Variants in DOCK11 observed in about 807,000 individuals in gnomAD.
DOCK11 encodes the protein dedicator of cytokinesis protein 11.
Under a neutral mutation model 169.1 loss-of-function variants are expected in DOCK11, and 70 were observed. The ratio of observed to expected loss-of-function variants is 0.41; its 90% CI spans 0.34 to 0.51. The LOEUF (loss-of-function observed/expected upper bound fraction) is 0.51. DOCK11 is among the 20% of genes least tolerant of loss of function. DOCK11 has a pLI of 0.10. For missense variants in DOCK11, 1,166 were observed against 1,538.8 expected, an observed-to-expected ratio of 0.76 and a Z score of 4.05; for synonymous variants, 529 against 541.3, an observed-to-expected ratio of 0.98 and a Z score of 0.32.
chrX:118,588,876 G>A (rs769054809), intron 18 of DOCK11, among the ~76,000 whole-genome samples: 16 of 112,409 alleles, frequency 1.4e-4, no homozygotes, highest in Non-Finnish European at 2.8e-4. Flanking sequence ...TCTGAGATAC[G>A]ACTTCTACTC....
chrX:118,555,997 T>C (rs1255474440), intron 6 of DOCK11, among the ~76,000 whole-genome samples: 2 of 110,937 alleles, frequency 1.8e-5, no homozygotes, highest in Non-Finnish European at 3.8e-5. Flanking sequence ...GTAAACGCTC[T>C]TGGGATTTGC....
intron 1 of DOCK11, among the ~76,000 whole-genome samples, chrX:118,531,138 T>C (rs774277203): frequency 2.6e-4 from 29 of 110,164 alleles, no homozygotes; most frequent in Non-Finnish European, 4.5e-4. Context: ...TGTTGTTGTT[T>C]TGTTTCGTTT....
At chrX:118,517,677 G>A (rs1202783199) in intron 1 of DOCK11, among the ~76,000 whole-genome samples, 2 of 110,824 alleles carry the variant, frequency 1.8e-5, no homozygotes, top group East Asian at 2.8e-4. Flanking sequence ...AGTGCTTTGC[G>A]TATCTCAGAT....
rs1264104415 is a variant in DOCK11, at chrX:118,638,083, A to G, written c.3957A>G (p.Val1319=). The G allele has an allele frequency of 8.3e-7, 1 of 1,201,689 alleles. No individual in the cohort carries two copies. The highest frequency in any genetic ancestry group is 1.1e-6 in the Non-Finnish European group (1 of 887,270). The part of the protein sequence containing the change: ...ELINILILLE[V]CLFHFRYMGK... ...ATGCTATTGTTTTTCTTTCTAGAGT[A>G]TGCTTGTTTCACTTTAGATATATGG... The change falls in exon 37 of 53, where the codon GTA becomes GTG. Residue 1319 remains valine (V), a synonymous_variant. Coordinates refer to ENST00000276202, the MANE Select transcript of DOCK11 (RefSeq NM_144658.4).
At chrX:118,510,609 TG>T (rs1292774274) in intron 1 of DOCK11, among the ~76,000 whole-genome samples, 5 of 111,040 alleles carry the variant, frequency 4.5e-5, no homozygotes, top group Non-Finnish European at 5.7e-5. Context: ...TGTGGATGTA[TG>T]TGTGTGGCGG....
At chrX:118,581,805 TAAA>T (rs35095116) in intron 14 of DOCK11, among the ~76,000 whole-genome samples, 15 of 12,740 alleles carry the variant, frequency 1.2e-3, no homozygotes, top group African/African-American at 4.0e-3. Context: ...CTCCGTCTCC[TAAA>T]AAAAAAAAAA....
intron 11 of DOCK11, 102 bp downstream of exon 11, chrX:118,572,565 C>A: frequency 2.5e-6 from 2 of 814,966 alleles, no homozygotes; most frequent in South Asian, 3.9e-5. Context: ...TGCAATTTAC[C>A]TATATAACAA....
chrX:118,597,616 G>T, intron 21 of DOCK11, 64 bp downstream of exon 21: 1 of 1,173,542 alleles, frequency 8.5e-7, no homozygotes, highest in Non-Finnish European at 1.2e-6. Context: ...GAATTCTGTT[G>T]GTCTCGATTG....
chrX:118,669,984 C>T (rs912046341), intron 45 of DOCK11, among the ~76,000 whole-genome samples: 1 of 111,468 alleles, frequency 9.0e-6, no homozygotes, highest in African/African-American at 3.3e-5. Context: ...TTGGGGCCCA[C>T]CCTACTCCAG....
Position 118,624,596 on chromosome X carries a change from A to T in DOCK11, c.3529A>T (p.Asn1177Tyr). 8.3e-7 allele frequency: 1 copy of T among 1,210,524 alleles called. No individual in the cohort carries two copies. Among genetic ancestry groups the T allele is most frequent in the Non-Finnish European group, 1.1e-6 (1 of 894,827 alleles). ...CCCCTTTGTTGGACTACTTTTGGAA[A>T]ATATACAGCGATTAGCAGGTCGAGA... ...YLPFVGLLLE[N>Y]IQRLAGRDTL... The change falls in exon 32 of 53, where the codon AAT becomes TAT. Residue 1177 changes from asparagine to tyrosine, a missense_variant. Asn to Tyr is a moderately radical substitution (Grantham distance 143). Transcript: ENST00000276202.
At chrX:118,499,719 T>C (rs1018088883) in intron 1 of DOCK11, among the ~76,000 whole-genome samples, 2 of 112,173 alleles carry the variant, frequency 1.8e-5, no homozygotes, top group African/African-American at 6.5e-5. Flanking sequence ...CAACTTGGGC[T>C]TCTTGACCAA....
At chrX:118,525,666 A>G (rs1243936471) in intron 1 of DOCK11, among the ~76,000 whole-genome samples, 1 of 111,637 alleles carries the variant, frequency 9.0e-6, no homozygotes, top group Non-Finnish European at 1.9e-5. Context: ...TATAGTATAT[A>G]CTTAACGAAG....
chrX:118,664,598 T>G (rs756047314), intron 45 of DOCK11, among the ~76,000 whole-genome samples: 244 of 110,247 alleles, frequency 2.2e-3, no homozygotes, highest in African/African-American at 7.1e-3. Context: ...TGACCCAAGA[T>G]TGTGCTACTG....
intron 30 of DOCK11, chrX:118,616,243 A>G (rs1252144229): frequency 1.0e-6 from 1 of 963,467 alleles, no homozygotes; most frequent in Non-Finnish European, 1.3e-6. Context: ...TTCAGTAGGT[A>G]GGTTTAACTC....
chrX:118,662,395 G>C (rs943892924), intron 44 of DOCK11, among the ~76,000 whole-genome samples: 2 of 112,142 alleles, frequency 1.8e-5, no homozygotes, highest in Non-Finnish European at 3.8e-5. Flanking sequence ...AAATAAAAAT[G>C]TTTAGATTGC....
intron 32 of DOCK11, among the ~76,000 whole-genome samples, chrX:118,627,061 C>A (rs1222629990): frequency 8.9e-6 from 1 of 111,889 alleles, no homozygotes; most frequent in Non-Finnish European, 1.9e-5. Context: ...AAAACCCCAT[C>A]TCTAAAAAAA....
chrX:118,605,194 C>A, intron 23 of DOCK11, 44 bp from the exon 24 acceptor site: 1 of 972,393 alleles, frequency 1.0e-6, no homozygotes, highest in South Asian at 2.2e-5. Flanking sequence ...CAAATTTTAT[C>A]ATATTTCTGT....
chrX:118,629,816 ATTTT>A (rs67646403), intron 34 of DOCK11, among the ~76,000 whole-genome samples: 3 of 75,438 alleles, frequency 4.0e-5, no homozygotes, highest in African/African-American at 9.8e-5. Context: ...ACCCAGCTAA[ATTTT>A]TTTTTTTTTT....
chrX:118,504,986 C>A (rs2057601260), intron 1 of DOCK11, among the ~76,000 whole-genome samples: 1 of 112,483 alleles, frequency 8.9e-6, no homozygotes, highest in Non-Finnish European at 1.9e-5. Context: ...GCATTGGTAA[C>A]CCCCTCAGGG....
Sources: allele counts gnomAD v4.1 joint callset (sites outside exome capture counted in the v4.1 genomes callset), GRCh38; gene constraint gnomAD v4.1.1; transcripts MANE v1.5; gene names NCBI Gene and HGNC (gene_info 2026-07-23, HGNC 2026-07-21).